The following LAMB3 variants were observed in gnomAD, a reference collection of about 807,000 sequenced individuals.
LAMB3 encodes the protein laminin subunit beta 3.
A neutral mutation model predicts 140.3 loss-of-function variants in LAMB3; 104 were observed. That is an observed-to-expected ratio of 0.74 (90% CI 0.63 to 0.87). LAMB3 has a LOEUF of 0.87. Among genes scored for constraint, LAMB3 ranks in the 40% least tolerant of loss-of-function variants. LAMB3 has a pLI of 0.00. For synonymous variants in LAMB3, 592 were observed against 602.9 expected, an observed-to-expected ratio of 0.98 and a Z score of 0.26; for missense variants, 1,531 against 1,575.2, an observed-to-expected ratio of 0.97 and a Z score of 0.47.
chr1:209,642,890 C>A (rs981100566), intron 3 of LAMB3, among the ~76,000 whole-genome samples: 1 of 152,220 alleles, frequency 6.6e-6, no homozygotes, highest in Non-Finnish European at 1.5e-5. Context: ...CCCTGCTCCT[C>A]CCTCAGTCTT....
intron 19 of LAMB3, 144 bp from the exon 20 acceptor site, chr1:209,618,192 A>G: frequency 9.2e-7 from 1 of 1,090,894 alleles, no homozygotes; most frequent in Non-Finnish European, 1.4e-6. Context: ...AGTAGCTTTG[A>G]TGTCCCAGGA....
Position 209,622,588 on chromosome 1 carries a change from T to C in LAMB3, c.2649A>G (p.Glu883=), listed in dbSNP as rs2102412882. 3 of 1,614,104 alleles carry C rather than the reference T, an allele frequency of 1.9e-6. No homozygotes were observed. The highest frequency in any genetic ancestry group is 1.7e-6 in the Non-Finnish European group (2 of 1,179,996). ...QVSASRSQME[E]DVRRTRLLIQ... ...TTAGGAGCCGTGTGCGTCTGACATC[T>C]TCCTCCATCTGGGAGCGGCTGGCGC... Residue 883 remains glutamate (E), a synonymous_variant, in exon 18 of 23, where the codon GAA becomes GAG. Transcript: ENST00000356082.
chr1:209,642,802 A>G (rs139681966), intron 3 of LAMB3, among the ~76,000 whole-genome samples: 188 of 152,264 alleles, frequency 1.2e-3, no homozygotes, highest in African/African-American at 3.9e-3. Flanking sequence ...TATACCTTGG[A>G]TACATATTAA....
In LAMB3 at chr1:209,632,732, C is replaced by T; in HGVS notation, c.673G>A (p.Ala225Thr). 1.9e-6 allele frequency: 3 copies of T among 1,614,226 alleles called. No homozygotes were observed. Among genetic ancestry groups the T allele is most frequent in the Non-Finnish European group, 2.5e-6 (3 of 1,180,036 alleles). Residue 225 changes from alanine (A) to threonine (T), a missense_variant, in exon 8 of 23, where the codon GCC becomes ACC. Transcript: ENST00000356082. ...TGGTAGCCCCTTTGGGGCACAGGGGCCAGCCTGGTGAAATTGACTCTCAAG... is the reference window on the plus strand; with the variant it reads ...TGGTAGCCCCTTTGGGGCACAGGGGTCAGCCTGGTGAAATTGACTCTCAAG... The part of the protein sequence containing the change: ...TNLRVNFTRL[A>T]PVPQRGYHPP...
chr1:209,649,970 A>G lies in LAMB3; in HGVS notation c.177T>C (p.Tyr59=), dbSNP rs2076550726. The G allele has an allele frequency of 6.2e-7, 1 of 1,614,094 alleles. No individual in the cohort carries two copies. The highest frequency in any genetic ancestry group is 8.5e-7 in the Non-Finnish European group (1 of 1,180,046). The change falls in exon 3 of 23, where the codon TAT becomes TAC. Residue 59 remains tyrosine (Y), a synonymous_variant. Coordinates refer to ENST00000356082, the MANE Select transcript of LAMB3 (RefSeq NM_000228.3). The part of the protein sequence containing the change: ...LTKPETYCTQ[Y]GEWQMKCCKC... Reference sequence around the variant, plus strand: ...CCTGGGAAGTAGGGCCTACCTCGCCATACTGGGTGCAGTAGGTCTCAGGCT... The same window carrying G: ...CCTGGGAAGTAGGGCCTACCTCGCCGTACTGGGTGCAGTAGGTCTCAGGCT...
At chr1:209,632,020 T>C (rs1367201120) in intron 8 of LAMB3, among the ~76,000 whole-genome samples, 1 of 152,194 alleles carries the variant, frequency 6.6e-6, no homozygotes, top group East Asian at 1.9e-4. Flanking sequence ...CAAAACCCCT[T>C]GGGAGGGGAG....
In LAMB3 at chr1:209,622,652, T is replaced by C. The variant is rs746900366; in HGVS notation, c.2585A>G (p.Gln862Arg). Residue 862 changes from glutamine to arginine, a missense_variant, in exon 18 of 23, where the codon CAG (glutamine) becomes CGG (arginine). Physicochemically the swap from Gln to Arg is conservative, Grantham distance 43. Transcript: ENST00000356082. ...CAAGCGCTGGGCACTGGATTGAATC[T>C]GTGAGGCAGATTCCTCGGCTGCCCT... ...MIRAAEESAS[Q>R]IQSSAQRLET... 4.3e-6 allele frequency: 7 copies of C among 1,614,168 alleles called. No individual in the cohort carries two copies. In the East Asian group the frequency reaches 1.6e-4, roughly 36 times the overall value.
intron 3 of LAMB3, 65 bp from the exon 4 acceptor site, chr1:209,638,713 T>TCCTCTGTG: frequency 9.8e-7 from 1 of 1,020,300 alleles, no homozygotes; most frequent in Non-Finnish European, 1.5e-6. Flanking sequence ...CCTTGCGTCC[T>TCCTCTGTG]GAGATCCCAG....
rs1460204296 is a variant in LAMB3 at position 209,623,794 on chromosome 1, A to G, written c.2137+46T>C. The G allele has an allele frequency of 6.2e-7, 1 of 1,612,870 alleles. No homozygotes were observed. ...AGGGAGAGGGGGTGGCATGCCCACC[A>G]CGGCAGTGCCCATGCCCGGGGTTAT... On this transcript the variant is annotated intron_variant, in intron 15 of 22. Transcript: ENST00000356082. The surrounding 1 kb of genome is among the most constrained non-coding windows in gnomAD (Gnocchi z 4.2).
At chr1:209,646,564 T>A (rs1275499643) in intron 3 of LAMB3, among the ~76,000 whole-genome samples, 2 of 152,244 alleles carry the variant, frequency 1.3e-5, no homozygotes, top group Non-Finnish European at 2.9e-5. Flanking sequence ...CAGCTCACTC[T>A]AAGTCAGATT....
intron 17 of LAMB3, 37 bp from the exon 18 acceptor site, chr1:209,622,717 C>T: frequency 6.2e-7 from 1 of 1,613,276 alleles, no homozygotes; most frequent in Admixed American, 1.7e-5. Context: ...GGGGTAAGGC[C>T]CCAAGGGAAC....
chr1:209,623,908 T>C lies in LAMB3; in HGVS notation c.2069A>G (p.Asn690Ser), dbSNP rs2229466. The change falls in exon 15 of 23, where the codon AAT (asparagine) becomes AGT (serine). Residue 690 changes from asparagine (N) to serine (S), a missense_variant. Coordinates refer to ENST00000356082, the MANE Select transcript of LAMB3 (RefSeq NM_000228.3). The surrounding 1 kb of genome is among the most constrained non-coding windows in gnomAD (Gnocchi z 4.2). Reference protein sequence around the residue: ...RDLESLDRSFNGLLTMYQRKR... With the variant: ...RDLESLDRSFSGLLTMYQRKR... ...CCTCTGATACATAGTAAGGAGACCATTGAAGCTTCTGTCAAGACTCTCCAG... is the reference window on the plus strand; with the variant it reads ...CCTCTGATACATAGTAAGGAGACCACTGAAGCTTCTGTCAAGACTCTCCAG... 0.037 allele frequency: 59,986 copies of C among 1,613,978 alleles called. 2,944 individuals are homozygous for C. The highest frequency in any genetic ancestry group is 0.26 in the East Asian group (11,769 of 44,854).
Position 209,638,572 on chromosome 1 carries a change from G to A in LAMB3, c.260C>T (p.Ser87Leu). 1.2e-6 allele frequency: 2 copies of A among 1,614,002 alleles called. No individual in the cohort carries two copies. The highest frequency in any genetic ancestry group is 1.3e-5 in the African/African-American group (1 of 75,038). ...YYSHRVENVA[S>L]SSGPMRWWQS... The stretch of plus-strand genomic sequence containing the variant: ...CCACCAGCGCATGGGGCCGGAGGAT[G>A]AAGCCACATTCTCTACTCGGTGACT... Residue 87 changes from serine to leucine, a missense_variant, in exon 4 of 23, where the codon TCA (serine) becomes TTA (leucine). Ser to Leu is a moderately radical substitution (Grantham distance 145). Coordinates refer to ENST00000356082, the MANE Select transcript of LAMB3 (RefSeq NM_000228.3).
intron 21 of LAMB3, 148 bp from the exon 22 acceptor site, chr1:209,616,772 A>G: frequency 1.3e-6 from 1 of 771,432 alleles, no homozygotes; most frequent in Non-Finnish European, 2.2e-6. Flanking sequence ...GCCTATTGAA[A>G]CCCCTGAGCC....
intron 3 of LAMB3, among the ~76,000 whole-genome samples, chr1:209,647,718 C>A (rs555270578): frequency 6.6e-6 from 1 of 152,086 alleles, no homozygotes; most frequent in Admixed American, 6.5e-5. Flanking sequence ...CAGTACACCC[C>A]CTATCTCTAA....
In LAMB3 at chr1:209,650,256, T is replaced by A. The variant is rs1338907386; in HGVS notation, c.29-138A>T. ...TCAAGCTTCCACTCGCTGCTGGCAG[T>A]AATAATTGCAGTATTGATACTGTTA... is the stretch of plus-strand genomic sequence containing the variant. On this transcript the variant is annotated intron_variant, in intron 2 of 22. Transcript: ENST00000356082. The A allele has an allele frequency of 4.7e-6, 4 of 847,308 alleles. No homozygotes were observed. The East Asian group carries it at 1.1e-4, about 23-fold the overall frequency. The allele number at this position is 847,308 out of a possible 1,614,324, so 52.5% of individuals were successfully genotyped here.
chr1:209,628,852 T>C (rs1325557075), intron 10 of LAMB3, among the ~76,000 whole-genome samples: 4 of 152,242 alleles, frequency 2.6e-5, no homozygotes, highest in African/African-American at 9.6e-5. Flanking sequence ...CTGTCATATG[T>C]TGCCTCATGT....
At chr1:209,631,415 A>G (rs180831262) in intron 8 of LAMB3, among the ~76,000 whole-genome samples, 1 of 152,216 alleles carries the variant, frequency 6.6e-6, no homozygotes, top group East Asian at 1.9e-4. Context: ...TTCTCTCTGT[A>G]TTCATTCACA....
chr1:209,636,441 T>C (rs1311322086), intron 5 of LAMB3, among the ~76,000 whole-genome samples: 1 of 152,168 alleles, frequency 6.6e-6, no homozygotes, highest in East Asian at 1.9e-4. Context: ...GTAGCCCCTA[T>C]TGTCTGTGGT....
Sources: allele counts gnomAD v4.1 joint callset (sites outside exome capture counted in the v4.1 genomes callset), GRCh38; gene constraint gnomAD v4.1.1; non-coding constraint Gnocchi (gnomAD v3.1); transcripts MANE v1.5; gene names NCBI Gene and HGNC (gene_info 2026-07-23, HGNC 2026-07-21).